SENP6: variants seen among roughly 807,000 people sequenced by gnomAD.
The protein encoded by SENP6 is sentrin-specific protease 6.
In SENP6, 41 loss-of-function variants were observed where a neutral mutation model predicts 134.5. That is an observed-to-expected ratio of 0.30 (90% CI 0.24 to 0.40). SENP6 has a LOEUF of 0.40. Ranked by LOEUF, SENP6 falls within the 10% of genes least tolerant of loss-of-function variation. The pLI is 1.00. For synonymous variants in SENP6, 395 were observed against 429.8 expected (o/e 0.92, Z 1.00); for missense variants, 1,248 against 1,312.5 (o/e 0.95, Z 0.76).
intron 11 of SENP6, among the ~76,000 whole-genome samples, 167 bp downstream of exon 11, chr6:75,670,887 A>G (rs1413856850): frequency 6.6e-6 from 1 of 151,712 alleles, no homozygotes; most frequent in Non-Finnish European, 1.5e-5. Context: ...GCTCCTTGCC[A>G]TTAAAATGAG....
rs556300014 is a variant in SENP6 at position 75,717,290 on chromosome 6, T to C, written c.*1696T>C. 2.6e-5 allele frequency: 4 copies of C among 152,220 alleles called. No individual in the cohort carries two copies. The South Asian group carries it at 8.3e-4, about 32-fold the overall frequency. 9.4% of individuals were successfully genotyped at this position (152,220 alleles called of 1,614,324 possible). A position where few individuals can be genotyped will look rare whatever the true frequency, so the allele number is the denominator to read the frequency against. On this transcript the variant is annotated 3_prime_UTR_variant, in exon 24 of 24. Transcript: ENST00000447266. The stretch of plus-strand genomic sequence containing the variant: ...CATACATAATTTTTTTAATGAACTA[T>C]ATTTTGTCAGAATCTGAAGGTACTG...
chr6:75,668,342 ACT>A (rs1474724050), intron 10 of SENP6, among the ~76,000 whole-genome samples: 1 of 152,136 alleles, frequency 6.6e-6, no homozygotes, highest in Non-Finnish European at 1.5e-5. Context: ...GTAGCAAAAC[ACT>A]CTAAACACAA....
chr6:75,604,791 G>A (rs759102812), intron 1 of SENP6, among the ~76,000 whole-genome samples: 1 of 151,980 alleles, frequency 6.6e-6, no homozygotes, highest in Admixed American at 6.6e-5. Context: ...AAAATATTCC[G>A]GCCAGGCGTG....
At chr6:75,652,682 T>TAAAAAA (rs1770966666) in intron 7 of SENP6, among the ~76,000 whole-genome samples, 2 of 3,692 alleles carry the variant, frequency 5.4e-4, no homozygotes, top group Non-Finnish European at 1.2e-3. Flanking sequence ...ACTAAAAATC[T>TAAAAAA]CAAAAAAAAA....
intron 16 of SENP6, among the ~76,000 whole-genome samples, chr6:75,681,316 CATGTAAG>C (rs1241289800): frequency 3.9e-5 from 6 of 152,272 alleles, no homozygotes; most frequent in Admixed American, 6.5e-5. Context: ...CTGCTCTGGC[CATGTAAG>C]ATGTATGTCC....
At chr6:75,615,509 A>G (rs1224589158) in intron 1 of SENP6, among the ~76,000 whole-genome samples, 1 of 152,180 alleles carries the variant, frequency 6.6e-6, no homozygotes, top group Middle Eastern at 3.2e-3. Context: ...TTGTGAGTGG[A>G]TACTGTAAAT....
At chr6:75,683,553 CA>C (rs1354123029) in intron 16 of SENP6, among the ~76,000 whole-genome samples, 1 of 152,056 alleles carries the variant, frequency 6.6e-6, no homozygotes, top group African/African-American at 2.4e-5. Context: ...GTCTTTAATC[CA>C]TCTTGAATTA....
Position 75,666,697 on chromosome 6 carries a change from T to C in SENP6, c.995-15T>C, listed in dbSNP as rs1171695926. ...TAGTTTTAATATAAATTATAAATTA[T>C]TAAAATACTTTTAGTCATTTTGTCC... On this transcript the variant is annotated splice_polypyrimidine_tract_variant and intron_variant, in intron 9 of 23. Coordinates refer to ENST00000447266, the MANE Select transcript of SENP6 (RefSeq NM_015571.4). The C allele has an allele frequency of 4.1e-6, 5 of 1,222,170 alleles. No individual in the cohort carries two copies. Among genetic ancestry groups the C allele is most frequent in the Non-Finnish European group, 4.4e-6 (4 of 918,704 alleles). 75.7% of individuals were successfully genotyped at this position (1,222,170 alleles called of 1,614,324 possible).
chr6:75,667,757 A>G (rs1772359302), intron 10 of SENP6, among the ~76,000 whole-genome samples: 1 of 152,204 alleles, frequency 6.6e-6, no homozygotes, highest in South Asian at 2.1e-4. Flanking sequence ...GTAAGGCTTT[A>G]TATGCAAACA....
At chr6:75,692,885 G>A (rs917376481) in intron 16 of SENP6, among the ~76,000 whole-genome samples, 10 of 151,766 alleles carry the variant, frequency 6.6e-5, no homozygotes, top group Non-Finnish European at 1.3e-4. Flanking sequence ...ACAACATGGC[G>A]AAACCCCATG....
intron 18 of SENP6, among the ~76,000 whole-genome samples, chr6:75,701,168 C>T (rs192581693): frequency 1.3e-5 from 2 of 152,256 alleles, no homozygotes; most frequent in Admixed American, 1.3e-4. Flanking sequence ...TTTCATCCAG[C>T]AAATATTTAT....
At chr6:75,605,575 C>T (rs746855273) in intron 1 of SENP6, among the ~76,000 whole-genome samples, 2 of 152,124 alleles carry the variant, frequency 1.3e-5, no homozygotes, top group Non-Finnish European at 2.9e-5. Context: ...ATTAAGTAAA[C>T]ACCTTAACTA....
intron 1 of SENP6, among the ~76,000 whole-genome samples, chr6:75,606,819 T>C (rs1219765935): frequency 6.6e-6 from 1 of 152,176 alleles, no homozygotes; most frequent in Non-Finnish European, 1.5e-5. Flanking sequence ...ACATTTCTTC[T>C]AGTTTCAAGC....
intron 1 of SENP6, among the ~76,000 whole-genome samples, chr6:75,610,275 C>T (rs886741467): frequency 4.6e-5 from 7 of 152,078 alleles, no homozygotes; most frequent in African/African-American, 7.2e-5. Flanking sequence ...ATACTATTCA[C>T]GATACTAAAA....
intron 3 of SENP6, among the ~76,000 whole-genome samples, chr6:75,626,898 T>C (rs777815655): frequency 5.3e-5 from 8 of 152,170 alleles, no homozygotes; most frequent in African/African-American, 9.7e-5. Context: ...TACTTTTTTT[T>C]CCGTCTTTCT....
At chr6:75,677,314 A>C in intron 14 of SENP6, 58 bp downstream of exon 14, 1 of 1,146,982 alleles carries the variant, frequency 8.7e-7, no homozygotes, top group Non-Finnish European at 1.2e-6. Context: ...TTAAAGGGAA[A>C]TATGTTTTAT....
chr6:75,641,462 A>G (rs922506597), intron 6 of SENP6, among the ~76,000 whole-genome samples: 10 of 152,200 alleles, frequency 6.6e-5, no homozygotes, highest in Non-Finnish European at 1.2e-4. Context: ...AACTTTAAAC[A>G]TCAAGTGTAT....
chr6:75,688,598 C>A (rs1247071018), intron 16 of SENP6, among the ~76,000 whole-genome samples: 1 of 152,022 alleles, frequency 6.6e-6, no homozygotes, highest in Non-Finnish European at 1.5e-5. Flanking sequence ...TTCAAGGACA[C>A]CATTTTTCCT....
Position 75,623,881 on chromosome 6 carries a change from C to A in SENP6, c.147-19C>A. On this transcript the variant is annotated intron_variant, in intron 2 of 23. Coordinates refer to ENST00000447266, the MANE Select transcript of SENP6 (RefSeq NM_015571.4). ...TTGTGATTGCTACTTATGTTTTTTT[C>A]CCCTTATTTTCTGTGTAGTGGGACA... 6.3e-7 allele frequency: 1 copy of A among 1,581,400 alleles called. No homozygotes were observed. Among genetic ancestry groups the A allele is most frequent in the Non-Finnish European group, 8.6e-7 (1 of 1,162,824 alleles).
Sources: gnomAD v4.1 joint callset for allele counts (sites outside exome capture counted in the v4.1 genomes callset) on GRCh38, gnomAD v4.1.1 for gene constraint, MANE v1.5 for transcripts, NCBI Gene and HGNC (gene_info 2026-07-23, HGNC 2026-07-21) for gene names.